Variants in CD44 observed in about 807,000 individuals in gnomAD.
The protein encoded by CD44 is CD44 antigen.
Under a neutral mutation model 88.8 loss-of-function variants are expected in CD44, and 49 were observed. The ratio of observed to expected loss-of-function variants is 0.55; its 90% CI spans 0.44 to 0.70. The LOEUF (loss-of-function observed/expected upper bound fraction) is 0.70, where lower values mean the gene tolerates loss of function less well. Among genes scored for constraint, CD44 ranks in the 30% least tolerant of loss-of-function variants. The pLI is 0.00. For synonymous variants in CD44, 325 were observed against 312.3 expected (o/e 1.04, Z -0.43); for missense variants, 883 against 913.8 (o/e 0.97, Z 0.43).
intron 14 of CD44, among the ~76,000 whole-genome samples, chr11:35,211,674 ATGTGTGTGTGTG>A (rs57790931): frequency 2.0e-5 from 3 of 149,128 alleles, no homozygotes; most frequent in African/African-American, 7.4e-5. Flanking sequence ...CTGTGTTTGC[ATGTGTGTGTGTG>A]TGTGTGTGTG....
chr11:35,204,793 C>T, intron 10 of CD44, 153 bp downstream of exon 10: 1 of 655,358 alleles, frequency 1.5e-6, no homozygotes, highest in East Asian at 2.9e-5. Flanking sequence ...CAGAGCCAAA[C>T]CTTAAAGGCT....
intron 15 of CD44, among the ~76,000 whole-genome samples, chr11:35,216,823 G>A (rs1948867852): frequency 6.6e-6 from 1 of 152,190 alleles, no homozygotes; most frequent in Admixed American, 6.5e-5. Context: ...TGTTGGAAAT[G>A]CAGAATCCTT....
At chr11:35,221,784 T>C in intron 17 of CD44, 52 bp downstream of exon 17, 2 of 1,472,716 alleles carry the variant, frequency 1.4e-6, no homozygotes, top group Non-Finnish European at 1.9e-6. Flanking sequence ...CATTTAAACC[T>C]GGGCTTTATA....
chr11:35,229,092 C>T (rs369588206), intron 17 of CD44, 37 bp from the exon 18 acceptor site: 1 of 1,530,954 alleles, frequency 6.5e-7, no homozygotes, highest in Non-Finnish European at 9.0e-7. Context: ...TGAGTCACTG[C>T]AATCTTTCTG....
chr11:35,181,450 T>A (rs1944978374), intron 3 of CD44, among the ~76,000 whole-genome samples: 1 of 151,730 alleles, frequency 6.6e-6, no homozygotes, highest in Admixed American at 6.6e-5. Flanking sequence ...ATGTCAAATA[T>A]CTCGATGCCA....
intron 1 of CD44, among the ~76,000 whole-genome samples, chr11:35,175,207 A>G (rs959802412): frequency 6.6e-6 from 1 of 152,234 alleles, no homozygotes; most frequent in Non-Finnish European, 1.5e-5. Flanking sequence ...CTTTGTGCTT[A>G]GAGCAGAGCA....
intron 1 of CD44, among the ~76,000 whole-genome samples, chr11:35,173,522 C>A (rs1171589189): frequency 6.6e-6 from 1 of 152,122 alleles, no homozygotes; most frequent in African/African-American, 2.4e-5. Flanking sequence ...TGCAAAAACA[C>A]ATTTTCTCCA....
intron 3 of CD44, among the ~76,000 whole-genome samples, chr11:35,186,053 AG>A (rs1371590212): frequency 2.0e-5 from 2 of 100,830 alleles, no homozygotes; most frequent in Admixed American, 2.1e-4. Flanking sequence ...CGAGAACAAG[AG>A]AAAAAAAAAA....
chr11:35,169,695 C>T lies in CD44; in HGVS notation c.68-6880C>T, dbSNP rs117497759. Among the ~76,000 whole-genome samples the T allele has an allele frequency of 3.7e-4, 56 of 152,322 alleles. 1 individual carries two copies. In the East Asian group the frequency reaches 8.5e-3, roughly 23 times the overall value. ...GGTGGACCAAGAAGCTATTATTCCTCGCAGGCCCTACAATCTAGGCAAAGC... is the reference window on the plus strand; with the variant it reads ...GGTGGACCAAGAAGCTATTATTCCTTGCAGGCCCTACAATCTAGGCAAAGC... On this transcript the variant is annotated intron_variant, in intron 1 of 17. Coordinates refer to ENST00000428726, the MANE Select transcript of CD44 (RefSeq NM_000610.4).
chr11:35,148,823 G>A (rs1028285948), intron 1 of CD44, among the ~76,000 whole-genome samples: 9 of 152,130 alleles, frequency 5.9e-5, no homozygotes, highest in African/African-American at 1.9e-4. Flanking sequence ...AGCCATCTCC[G>A]TTACTTATCT....
At chr11:35,213,267 A>T (rs1281356802) in intron 14 of CD44, among the ~76,000 whole-genome samples, 1 of 152,180 alleles carries the variant, frequency 6.6e-6, no homozygotes, top group Non-Finnish European at 1.5e-5. Flanking sequence ...GTACGGACAG[A>T]TTTTCCATAA....
chr11:35,155,811 C>T (rs1941787773), intron 1 of CD44, among the ~76,000 whole-genome samples: 2 of 152,210 alleles, frequency 1.3e-5, no homozygotes, highest in East Asian at 1.9e-4. Context: ...AGATGATGAC[C>T]CTCAAGGGAA....
intron 2 of CD44, among the ~76,000 whole-genome samples, chr11:35,177,537 C>G (rs1302834219): frequency 1.3e-5 from 2 of 152,254 alleles, no homozygotes; most frequent in African/African-American, 4.8e-5. Flanking sequence ...CAGCCTGTAG[C>G]TGTGCTTTTG....
intron 4 of CD44, among the ~76,000 whole-genome samples, chr11:35,188,435 G>T (rs1168899883): frequency 6.6e-6 from 1 of 152,146 alleles, no homozygotes; most frequent in South Asian, 2.1e-4. Context: ...GAATATTCAG[G>T]AAATTTGTAA....
intron 1 of CD44, among the ~76,000 whole-genome samples, chr11:35,140,496 C>T (rs1443287882): frequency 6.6e-6 from 1 of 152,162 alleles, no homozygotes; most frequent in Non-Finnish European, 1.5e-5. Context: ...CACAGTCTCA[C>T]CCAGGTAGTT....
chr11:35,160,823 A>G (rs935116104), intron 1 of CD44, among the ~76,000 whole-genome samples: 1 of 152,228 alleles, frequency 6.6e-6, no homozygotes, highest in Admixed American at 6.5e-5. Context: ...TGAATAAGGC[A>G]TGGTCCCAGT....
chr11:35,141,383 A>G (rs1347983641), intron 1 of CD44, among the ~76,000 whole-genome samples: 1 of 152,250 alleles, frequency 6.6e-6, no homozygotes, highest in Non-Finnish European at 1.5e-5. Flanking sequence ...ACTGGAGCTC[A>G]AATAAGCCCT....
Position 35,210,074 on chromosome 11 carries a change from G to A in CD44, c.1606+20G>A, listed in dbSNP as rs766377519. ...CAAGCAGTAAGGATTATAAAACCTA[G>A]TTGGCTTCAGCTATTGATAAGAATC... On this transcript the variant is annotated intron_variant, in intron 13 of 17. Coordinates refer to ENST00000428726, the MANE Select transcript of CD44 (RefSeq NM_000610.4). 3.5e-6 allele frequency: 5 copies of A among 1,413,614 alleles called. No individual in the cohort carries two copies. The South Asian group carries it at 6.7e-5, about 19-fold the overall frequency. The allele number at this position is 1,413,614 out of a possible 1,614,324, so 87.6% of individuals were successfully genotyped here.
intron 15 of CD44, 185 bp from the exon 16 acceptor site, chr11:35,219,131 A>T: frequency 1.7e-6 from 1 of 598,554 alleles, no homozygotes; most frequent in African/African-American, 1.9e-5. Flanking sequence ...ACTAAGCCTT[A>T]GCCTTAATCA....
Sources: allele counts gnomAD v4.1 joint callset (sites outside exome capture counted in the v4.1 genomes callset), GRCh38; gene constraint gnomAD v4.1.1; transcripts MANE v1.5; gene names NCBI Gene and HGNC (gene_info 2026-07-23, HGNC 2026-07-21).